STIM1: variants seen among roughly 807,000 people sequenced by gnomAD.
STIM1 encodes stromal interaction molecule 1.
A neutral mutation model predicts 74.7 loss-of-function variants in STIM1; 25 were observed. That is an observed-to-expected ratio of 0.33 (90% confidence interval 0.24 to 0.47). The LOEUF is 0.47. Among genes scored for constraint, STIM1 ranks in the 20% least tolerant of loss-of-function variants. STIM1 has a pLI of 1.00. For missense variants in STIM1, 728 were observed against 920.8 expected (o/e 0.79, Z 2.71); for synonymous variants, 328 against 348.8 (o/e 0.94, Z 0.66).
rs1334127537 is a variant in STIM1, at chr11:3,894,843, A to G, written c.139+38434A>G. 4.0e-5 allele frequency among the ~76,000 whole-genome samples: 6 copies of G among 151,164 alleles called. No individual in the cohort carries two copies. In the East Asian group the frequency reaches 5.8e-4, roughly 15 times the overall value. On this transcript the variant is annotated intron_variant, in intron 1 of 12. Transcript: ENST00000526596. The stretch of plus-strand genomic sequence containing the variant: ...AACCTCCGCCTTCCGGGTTCAAGCA[A>G]TTCTCCTGCCTCAGCCTCCCAAGTA...
At position 3,925,882 on chromosome 11, in the gene STIM1, C is replaced by T. The variant is rs1032175494; in HGVS notation, c.140-41670C>T. 9.2e-5 allele frequency among the ~76,000 whole-genome samples: 14 copies of T among 152,112 alleles called. No homozygotes were observed. In the South Asian group the frequency reaches 1.5e-3, roughly 16 times the overall value. On this transcript the variant is annotated intron_variant, in intron 1 of 12. Coordinates refer to ENST00000526596, the MANE Select transcript of STIM1 (RefSeq NM_001382567.1). The stretch of plus-strand genomic sequence containing the variant: ...GACATCTGATTTAATATATCAGGCC[C>T]GGTAAAGATTTAGTTTATTGTTAAT...
At chr11:3,998,327 A>G (rs935809097) in intron 2 of STIM1, among the ~76,000 whole-genome samples, 1 of 152,188 alleles carries the variant, frequency 6.6e-6, no homozygotes, top group Non-Finnish European at 1.5e-5. Flanking sequence ...TGTTACATTG[A>G]ATCCAAGCTA....
At chr11:3,964,395 A>T (rs1340919767) in intron 1 of STIM1, among the ~76,000 whole-genome samples, 1 of 152,234 alleles carries the variant, frequency 6.6e-6, no homozygotes, top group African/African-American at 2.4e-5. Context: ...CAACGGCCAT[A>T]GGAGAATCAA....
At chr11:3,925,389 A>C (rs985617466) in intron 1 of STIM1, among the ~76,000 whole-genome samples, 1 of 152,224 alleles carries the variant, frequency 6.6e-6, no homozygotes, top group Non-Finnish European at 1.5e-5. Flanking sequence ...GTGAGACTCC[A>C]TCTCAAAACA....
At chr11:4,084,651 T>C (rs1273070200) in intron 10 of STIM1, 22 bp from the exon 11 acceptor site, 1 of 1,289,102 alleles carries the variant, frequency 7.8e-7, no homozygotes, top group Non-Finnish European at 1.0e-6. Context: ...TCTTCTCCTT[T>C]TGGCCTGGCT....
At chr11:4,034,746 A>G (rs1295604338) in intron 3 of STIM1, among the ~76,000 whole-genome samples, 1 of 152,080 alleles carries the variant, frequency 6.6e-6, no homozygotes, top group Non-Finnish European at 1.5e-5. Flanking sequence ...CTGAGCTTAG[A>G]GTTTTCTTTG....
upstream of STIM1, chr11:3,855,592 C>A (rs990315053): frequency 1.6e-5 from 1 of 62,784 alleles, no homozygotes; most frequent in Non-Finnish European, 3.1e-5. Context: ...GGGGACCGGG[C>A]GGCGCGGGGC....
At chr11:4,028,523 G>A (rs183089022) in intron 3 of STIM1, among the ~76,000 whole-genome samples, 53 of 138,008 alleles carry the variant, frequency 3.8e-4, no homozygotes, top group African/African-American at 1.4e-3. Flanking sequence ...ATTCTCCTGC[G>A]TCAGCCTCCC....
intron 1 of STIM1, among the ~76,000 whole-genome samples, chr11:3,860,836 T>C (rs935839891): frequency 1.3e-4 from 20 of 152,228 alleles, no homozygotes; most frequent in African/African-American, 4.6e-4. Context: ...CTTTTCACTG[T>C]GGAAGGAACT....
chr11:4,084,187 T>A (rs2133229916), intron 10 of STIM1, among the ~76,000 whole-genome samples: 1 of 152,350 alleles, frequency 6.6e-6, no homozygotes, highest in African/African-American at 2.4e-5. Context: ...GAGTTTTCCC[T>A]TACTGGCCCA....
intron 1 of STIM1, among the ~76,000 whole-genome samples, chr11:3,962,138 A>G (rs937784921): frequency 3.3e-5 from 5 of 152,272 alleles, no homozygotes; most frequent in Admixed American, 6.5e-5. Context: ...TATATTGTGT[A>G]TTGGTGAAGC....
At chr11:3,949,976 C>G (rs985667983) in intron 1 of STIM1, among the ~76,000 whole-genome samples, 1 of 152,176 alleles carries the variant, frequency 6.6e-6, no homozygotes, top group East Asian at 1.9e-4. Context: ...CCTAATCTCT[C>G]TCTGCCTTCC....
At chr11:3,943,343 G>A (rs1193089632) in intron 1 of STIM1, among the ~76,000 whole-genome samples, 2 of 152,158 alleles carry the variant, frequency 1.3e-5, no homozygotes. Context: ...GCCATTTAAG[G>A]AGTGCTTTTC....
At chr11:4,026,482 T>C (rs1293885049) in intron 3 of STIM1, among the ~76,000 whole-genome samples, 1 of 152,240 alleles carries the variant, frequency 6.6e-6, no homozygotes, top group Non-Finnish European at 1.5e-5. Context: ...ATTATGATTA[T>C]ACAGAGTTAG....
At chr11:4,010,870 G>A (rs1465893981) in intron 2 of STIM1, among the ~76,000 whole-genome samples, 1 of 151,750 alleles carries the variant, frequency 6.6e-6, no homozygotes, top group Non-Finnish European at 1.5e-5. Context: ...CCCTCCCCCA[G>A]CCCCCAGCCC....
At chr11:3,870,113 C>A (rs7131500) in intron 1 of STIM1, among the ~76,000 whole-genome samples, 1 of 152,180 alleles carries the variant, frequency 6.6e-6, no homozygotes, top group Non-Finnish European at 1.5e-5. Flanking sequence ...CCAAATAATT[C>A]TTTCTATGCT....
chr11:3,960,427 G>A (rs1590602824), intron 1 of STIM1, among the ~76,000 whole-genome samples: 1 of 152,106 alleles, frequency 6.6e-6, no homozygotes, highest in East Asian at 1.9e-4. Context: ...AATAATTGTG[G>A]CTATTTTGAT....
chr11:3,997,289 A>C (rs1565141876), intron 2 of STIM1, among the ~76,000 whole-genome samples: 1 of 152,218 alleles, frequency 6.6e-6, no homozygotes, highest in Non-Finnish European at 1.5e-5. Context: ...AAGGAAAGGC[A>C]ATGTTGCTGC....
At chr11:3,982,792 T>G (rs1204998500) in intron 2 of STIM1, among the ~76,000 whole-genome samples, 1 of 152,162 alleles carries the variant, frequency 6.6e-6, no homozygotes, top group East Asian at 1.9e-4. Context: ...TCTCAATAAA[T>G]ATGTTTTTTA....
Sources: allele counts gnomAD v4.1 joint callset (sites outside exome capture counted in the v4.1 genomes callset), GRCh38; gene constraint gnomAD v4.1.1; transcripts MANE v1.5; gene names NCBI Gene and HGNC (gene_info 2026-07-23, HGNC 2026-07-21).